The following GCNT2 variants were observed in gnomAD, a reference collection of about 807,000 sequenced individuals.
GCNT2 encodes the protein N-acetyllactosaminide beta-1,6-N-acetylglucosaminyl-transferase.
In GCNT2, 34 loss-of-function variants were observed where a neutral mutation model predicts 34.2. The observed-to-expected ratio is 1.00, with a 90% CI of 0.76 to 1.32. The LOEUF (loss-of-function observed/expected upper bound fraction) is 1.32, where lower values mean the gene tolerates loss of function less well. GCNT2 is among the 40% of genes most tolerant of loss of function. The probability of loss-of-function intolerance (pLI) is 0.00; values close to 1 mark genes in which losing one functional copy is unlikely to be tolerated. For synonymous variants in GCNT2, 212 were observed against 188.0 expected (o/e 1.13, Z -1.04); for missense variants, 584 against 489.4 (o/e 1.19, Z -1.82).
chr6:10,622,377 C>G (rs545427393), intron 4 of GCNT2, among the ~76,000 whole-genome samples: 1 of 152,010 alleles, frequency 6.6e-6, no homozygotes, highest in East Asian at 1.9e-4. Flanking sequence ...TTTATTAAGG[C>G]CTCTCTGCTT....
At chr6:10,545,356 G>T (rs1009373046) in intron 3 of GCNT2, among the ~76,000 whole-genome samples, 5 of 152,072 alleles carry the variant, frequency 3.3e-5, no homozygotes. Context: ...AAACTTTGGA[G>T]TTTTGTTTAA....
chr6:10,571,129 G>A (rs1052931271), intron 3 of GCNT2, among the ~76,000 whole-genome samples: 3 of 152,152 alleles, frequency 2.0e-5, no homozygotes, highest in Non-Finnish European at 4.4e-5. Context: ...GTGGCTGGCT[G>A]ATTGTCCTGC....
chr6:10,582,372 TA>T (rs1561816498), intron 3 of GCNT2, among the ~76,000 whole-genome samples: 5 of 108,762 alleles, frequency 4.6e-5, no homozygotes, highest in African/African-American at 2.2e-4. Context: ...TAATATATAC[TA>T]TAATTTAATA....
intron 3 of GCNT2, among the ~76,000 whole-genome samples, chr6:10,573,825 C>T (rs1343512060): frequency 6.6e-6 from 1 of 152,194 alleles, no homozygotes; most frequent in African/African-American, 2.4e-5. Flanking sequence ...AGGCAGTTCC[C>T]CCACACTGGG....
In GCNT2 at chr6:10,626,647, C is replaced by G. The variant is rs998226931; in HGVS notation, c.*40C>G. 4 of 1,477,540 alleles carry G rather than the reference C, an allele frequency of 2.7e-6. No homozygotes were observed. Among genetic ancestry groups the G allele is most frequent in the African/African-American group, 2.8e-5 (2 of 72,226 alleles). 91.5% of individuals were successfully genotyped at this position (1,477,540 alleles called of 1,614,324 possible). On this transcript the variant is annotated 3_prime_UTR_variant, in exon 5 of 5. Coordinates refer to ENST00000495262, the MANE Select transcript of GCNT2 (RefSeq NM_145649.5). ...ACTCATGACTGAAGGGAAACTGCAG[C>G]TGGGAAGAGGAGCCTGTTTTTGTGA...
intron 3 of GCNT2, chr6:10,556,564 T>C (rs993097956): frequency 1.2e-6 from 2 of 1,614,018 alleles, no homozygotes; most frequent in African/African-American, 2.7e-5. Context: ...TGACTCAAGT[T>C]TGCACATCTT....
At chr6:10,601,873 G>A (rs1037324150) in intron 3 of GCNT2, among the ~76,000 whole-genome samples, 8 of 151,032 alleles carry the variant, frequency 5.3e-5, no homozygotes, top group East Asian at 1.9e-4. Context: ...CCCGAGAGGC[G>A]GAGCTTGCAG....
At chr6:10,554,112 G>T (rs1762593167) in intron 3 of GCNT2, among the ~76,000 whole-genome samples, 1 of 152,204 alleles carries the variant, frequency 6.6e-6, no homozygotes. Context: ...GGCCTGGAGG[G>T]CTGACTTGTT....
chr6:10,566,181 G>T (rs1419735591), intron 3 of GCNT2, among the ~76,000 whole-genome samples: 1 of 148,588 alleles, frequency 6.7e-6, no homozygotes, highest in Non-Finnish European at 1.5e-5. Flanking sequence ...ATTGATGTGT[G>T]CTTTTTTTTT....
intron 3 of GCNT2, chr6:10,586,640 A>G: frequency 2.5e-6 from 4 of 1,614,208 alleles, no homozygotes; most frequent in Non-Finnish European, 3.4e-6. Context: ...ATATCACCCC[A>G]GGGGTGCTGC....
chr6:10,595,820 A>G (rs945981174), intron 3 of GCNT2, among the ~76,000 whole-genome samples: 2 of 152,186 alleles, frequency 1.3e-5, no homozygotes, highest in African/African-American at 4.8e-5. Flanking sequence ...TAATTTTTAA[A>G]CTCTAATAGA....
chr6:10,556,500 A>G (rs780665475), intron 3 of GCNT2: 2 of 1,614,048 alleles, frequency 1.2e-6, no homozygotes, highest in Non-Finnish European at 1.7e-6. Flanking sequence ...TCTGTGTTCA[A>G]TTTTGGGGGA....
At chr6:10,524,789 G>A (rs958221922) in intron 1 of GCNT2, among the ~76,000 whole-genome samples, 2 of 151,772 alleles carry the variant, frequency 1.3e-5, no homozygotes, top group South Asian at 2.1e-4. Context: ...AGATTGTGCC[G>A]TTGCACTCCA....
At chr6:10,616,661 G>A (rs1345769066) in intron 3 of GCNT2, among the ~76,000 whole-genome samples, 1 of 152,188 alleles carries the variant, frequency 6.6e-6, no homozygotes, top group Admixed American at 6.5e-5. Flanking sequence ...AGAGTAACTA[G>A]ATACAGAGTG....
At chr6:10,523,450 A>G (rs1033985888) in intron 1 of GCNT2, among the ~76,000 whole-genome samples, 3 of 147,122 alleles carry the variant, frequency 2.0e-5, no homozygotes, top group African/African-American at 5.0e-5. Context: ...AAAAAAAAAG[A>G]CCAGCTTTCT....
Position 10,521,355 on chromosome 6 carries a change from A to G in GCNT2, c.-531A>G, listed in dbSNP as rs745568561. 6.6e-6 allele frequency: 1 copy of G among 152,636 alleles called. No homozygotes were observed. Among genetic ancestry groups the G allele is most frequent in the African/African-American group, 2.4e-5 (1 of 41,394 alleles). The allele number at this position is 152,636 out of a possible 1,614,324, so 9.5% of individuals were successfully genotyped here. A position where few individuals can be genotyped will look rare whatever the true frequency, so the allele number is the denominator to read the frequency against. On this transcript the variant is annotated 5_prime_UTR_variant, in exon 1 of 5. Transcript: ENST00000495262. Reference sequence around the variant, plus strand: ...GGGTTAAACTGCGTTTACCTTAAACAGGCTTACTGTGTTCACTGCTGGACG... The same window carrying G: ...GGGTTAAACTGCGTTTACCTTAAACGGGCTTACTGTGTTCACTGCTGGACG...
rs538472802 is a variant in GCNT2, at chr6:10,550,011, C to A, written c.925+20175C>A. Among the ~76,000 whole-genome samples, 50 of 152,212 alleles carry A rather than the reference C, an allele frequency of 3.3e-4. 1 individual carries two copies. In the South Asian group the frequency reaches 9.5e-3, roughly 29 times the overall value. On this transcript the variant is annotated intron_variant, in intron 3 of 4. Transcript: ENST00000495262. ...GGTTAGATTGTCCATCATTTGAGTT[C>A]ATGTTTACTATGTATTTCCAAATTA...
rs780144560 is a variant in GCNT2 at position 10,529,836 on chromosome 6, G to A, written c.925G>A (p.Gly309Ser). ...CTGGGTGACACTCAACAGGATTCCC[G>A]GTATGTACGTCTCTTAACTTTTATT... is the stretch of plus-strand genomic sequence containing the variant. Reference protein sequence around the residue: ...HFWVTLNRIPGVPGSMPNASW... With the variant: ...HFWVTLNRIPSVPGSMPNASW... The change falls in exon 3 of 5, where the codon GGT (glycine) becomes AGT (serine). Residue 309 changes from glycine (G) to serine (S), a missense_variant and splice_region_variant. Transcript: ENST00000495262. 76 of 1,608,580 alleles carry A rather than the reference G, an allele frequency of 4.7e-5. 1 individual carries two copies. The highest frequency in any genetic ancestry group is 5.5e-5 in the Non-Finnish European group (65 of 1,175,452).
chr6:10,604,261 T>G (rs1489781370), intron 3 of GCNT2, among the ~76,000 whole-genome samples: 2 of 152,308 alleles, frequency 1.3e-5, no homozygotes, highest in East Asian at 3.9e-4. Flanking sequence ...TTATTTGATC[T>G]TTGTTTTTTG....
Sources: allele counts gnomAD v4.1 joint callset (sites outside exome capture counted in the v4.1 genomes callset), GRCh38; gene constraint gnomAD v4.1.1; transcripts MANE v1.5; gene names NCBI Gene and HGNC (gene_info 2026-07-23, HGNC 2026-07-21).